The following SYNPO2L variants were observed in gnomAD, a reference collection of about 807,000 sequenced individuals.
The protein encoded by SYNPO2L is synaptopodin 2 like, also known as synaptopodin 2-like protein.
In SYNPO2L, 34 loss-of-function variants were observed where a neutral mutation model predicts 47.5. That is an observed-to-expected ratio of 0.72 (90% CI 0.54 to 0.95). SYNPO2L has a LOEUF of 0.95. Among genes scored for constraint, SYNPO2L ranks in the 40% least tolerant of loss-of-function variants. The pLI is 0.00. For synonymous variants in SYNPO2L, 536 were observed against 524.9 expected (o/e 1.02, Z -0.29); for missense variants, 1,246 against 1,282.0 (o/e 0.97, Z 0.43).
At chr10:73,650,763 T>C in intron 3 of SYNPO2L, 3 of 1,319,166 alleles carry the variant, frequency 2.3e-6, no homozygotes, top group Non-Finnish European at 2.9e-6. Flanking sequence ...AAAGGGGCAG[T>C]GAAACTCTCC....
chr10:73,653,568 G>A lies in SYNPO2L; in HGVS notation c.343C>T (p.Pro115Ser). 1 of 1,552,188 alleles carries A rather than the reference G, an allele frequency of 6.4e-7. No individual in the cohort carries two copies. Among genetic ancestry groups the A allele is most frequent in the East Asian group, 2.4e-5 (1 of 40,926 alleles). The change falls in exon 3 of 4, where the codon CCT becomes TCT. Residue 115 changes from proline (P) to serine (S), a missense_variant. This residue lies in a region of SYNPO2L where 148 missense variants were observed against 204.8 expected (regional missense o/e 0.72). Coordinates refer to ENST00000394810, the MANE Select transcript of SYNPO2L (RefSeq NM_001114133.3). Reference protein sequence around the residue: ...SPLSPLSPEPPGAPVPQPLQP... With the variant: ...SPLSPLSPEPSGAPVPQPLQP... Reference sequence around the variant, plus strand: ...AGAGGCTGAGGAACTGGAGCACCAGGGGGCTCAGGACTTAGTGGAGATAAG... The same window carrying A: ...AGAGGCTGAGGAACTGGAGCACCAGAGGGCTCAGGACTTAGTGGAGATAAG...
chr10:73,646,186 AC>A lies in SYNPO2L; in HGVS notation c.*531del. On this transcript the variant is annotated 3_prime_UTR_variant, in exon 4 of 4. Coordinates refer to ENST00000394810, the MANE Select transcript of SYNPO2L (RefSeq NM_001114133.3). ...ATGCCTTAGACGGAAGAGCACACACACACACACACACACACACACACACACA... is the reference window on the plus strand; with the variant it reads ...ATGCCTTAGACGGAAGAGCACACACAACACACACACACACACACACACACA... 5 of 865,396 alleles carry A rather than the reference AC, an allele frequency of 5.8e-6. No individual in the cohort carries two copies. Among genetic ancestry groups the A allele is most frequent in the Non-Finnish European group, 6.9e-6 (5 of 727,698 alleles). 53.6% of individuals were successfully genotyped at this position (865,396 alleles called of 1,614,324 possible). A position where few individuals can be genotyped will look rare whatever the true frequency, so the allele number is the denominator to read the frequency against.
At position 73,648,263 on chromosome 10, in the gene SYNPO2L, G is replaced by A. The variant is rs1478417101; in HGVS notation, c.1389C>T (p.Ile463=). The stretch of plus-strand genomic sequence containing the variant: ...TAAAGGGCCTGGCTGACCGGTTAAA[G>A]ATGCTTGGAGCTGGGGTCGGGGCTC... ...GGGAPTPAPS[I]FNRSARPFTP... The change falls in exon 4 of 4, where the codon ATC becomes ATT. Residue 463 remains isoleucine (I), a synonymous_variant. Transcript: ENST00000394810. 4 of 1,599,306 alleles carry A rather than the reference G, an allele frequency of 2.5e-6. No homozygotes were observed. In the East Asian group the frequency reaches 6.7e-5, roughly 27 times the overall value.
chr10:73,653,295 C>G lies in SYNPO2L; in HGVS notation c.616G>C (p.Asp206His), dbSNP rs779547397. Reference protein sequence around the residue: ...DSRVSSPSWEDGAALQPPPAE... With the variant: ...DSRVSSPSWEHGAALQPPPAE... ...GGGGGTGGCTGAAGGGCTGCCCCATCCTCCCAAGACGGGGAGCTCACACGG... is the reference window on the plus strand; with the variant it reads ...GGGGGTGGCTGAAGGGCTGCCCCATGCTCCCAAGACGGGGAGCTCACACGG... The change falls in exon 3 of 4, where the codon GAT becomes CAT. Residue 206 changes from aspartate to histidine, a missense_variant. By Grantham distance (81) the Asp-to-His change is moderately conservative (BLOSUM62 -1). Coordinates refer to ENST00000394810, the MANE Select transcript of SYNPO2L (RefSeq NM_001114133.3). The G allele has an allele frequency of 3.2e-6, 5 of 1,551,156 alleles. No individual in the cohort carries two copies. The African/African-American group carries it at 6.8e-5, about 21-fold the overall frequency.
At chr10:73,650,188 T>C (rs2081829173) in intron 3 of SYNPO2L, 1 of 985,376 alleles carries the variant, frequency 1.0e-6, no homozygotes, top group African/African-American at 1.7e-5. Flanking sequence ...AGATTCCATC[T>C]ACTTTCCACT....
Position 73,653,146 on chromosome 10 carries a change from C to A in SYNPO2L, c.765G>T (p.Lys255Asn), listed in dbSNP as rs756528421. ...DLTTTYTQKA[K>N]QAKLQRAESL... is the part of the protein sequence containing the mutation. ...AGGGGTTCAGGCACTCACTGGCTTG[C>A]TTGGCCTTCTGGGTGTAGGTGGTAG... is the stretch of plus-strand genomic sequence containing the variant. Residue 255 changes from lysine to asparagine, a missense_variant, in exon 3 of 4, where the codon AAG becomes AAT. Lys to Asn is a moderately conservative substitution (Grantham distance 94). Coordinates refer to ENST00000394810, the MANE Select transcript of SYNPO2L (RefSeq NM_001114133.3). The A allele has an allele frequency of 6.9e-7, 1 of 1,447,476 alleles. No individual in the cohort carries two copies. The highest frequency in any genetic ancestry group is 1.4e-5 in the African/African-American group (1 of 69,742). The allele number at this position is 1,447,476 out of a possible 1,614,324, so 89.7% of individuals were successfully genotyped here.
intron 1 of SYNPO2L, among the ~76,000 whole-genome samples, chr10:73,655,260 T>C (rs973663453): frequency 1.3e-5 from 2 of 152,104 alleles, no homozygotes; most frequent in Non-Finnish European, 2.9e-5. Context: ...AAAAGGATAA[T>C]GACTTCATCT....
In SYNPO2L at chr10:73,647,500, T is replaced by G. The variant is rs2081774006; in HGVS notation, c.2152A>C (p.Thr718Pro). Residue 718 changes from threonine (T) to proline (P), a missense_variant, in exon 4 of 4, where the codon ACT (threonine) becomes CCT (proline). Thr to Pro is a conservative substitution (Grantham distance 38). Transcript: ENST00000394810. ...GCCACTGGGGGTGGAGTCTTAGGAG[T>G]CATAGGGGGCGGGGTCTTGGGAGCC... ...PMAPKTPPPMTPKTPPPVAPK... is the reference protein window; with the variant it reads ...PMAPKTPPPMPPKTPPPVAPK... 1 of 1,579,202 alleles carries G rather than the reference T, an allele frequency of 6.3e-7. No individual in the cohort carries two copies. The highest frequency in any genetic ancestry group is 1.1e-5 in the South Asian group (1 of 87,314).
rs375270436 is a variant in SYNPO2L at position 73,651,020 on chromosome 10, G to A, written c.772+2119C>T. The stretch of plus-strand genomic sequence containing the variant: ...CAAAGGTCTCCATGCTGAGAAAGGC[G>A]GTGTTGGCTGGAGCAGGACCAGCTT... On this transcript the variant is annotated intron_variant, in intron 3 of 3. Transcript: ENST00000394810. 1.8e-4 allele frequency: 292 copies of A among 1,610,650 alleles called. No individual in the cohort carries two copies. In the African/African-American group the frequency reaches 2.6e-3, roughly 14 times the overall value.
intron 1 of SYNPO2L, among the ~76,000 whole-genome samples, chr10:73,654,702 CCGTG>C (rs2081865938): frequency 6.6e-6 from 1 of 151,850 alleles, no homozygotes; most frequent in Admixed American, 6.6e-5. Context: ...AATCAGCTGG[CCGTG>C]GTGGTGTGCG....
rs2081856961 is a variant in SYNPO2L at position 73,653,476 on chromosome 10, A to G, written c.435T>C (p.Ala145=). Residue 145 remains alanine, a synonymous_variant, in exon 3 of 4, where the codon GCT becomes GCC. Coordinates refer to ENST00000394810, the MANE Select transcript of SYNPO2L (RefSeq NM_001114133.3). ...GCTTCTCCTGGGTGGCAGGGCCATC[A>G]GCATCACTGTCAGTCTCTCCGTAGT... The part of the protein sequence containing the change: ...EAYYGETDSD[A]DGPATQEKPR... 6.4e-7 allele frequency: 1 copy of G among 1,551,662 alleles called. No homozygotes were observed. The highest frequency in any genetic ancestry group is 8.7e-7 in the Non-Finnish European group (1 of 1,146,914).
chr10:73,651,002 C>T (rs2081837366), intron 3 of SYNPO2L: 8 of 1,612,454 alleles, frequency 5.0e-6, no homozygotes, highest in Non-Finnish European at 6.8e-6. Context: ...GCTCAAAGGT[C>T]TCCATGCTGA....
chr10:73,653,080 C>A, intron 3 of SYNPO2L, 59 bp downstream of exon 3: 1 of 1,431,634 alleles, frequency 7.0e-7, no homozygotes, highest in Admixed American at 2.9e-5. Flanking sequence ...CTATAGAAGG[C>A]TGGATTTAAG....
In SYNPO2L at chr10:73,646,104, G is replaced by A. The variant is rs146617579; in HGVS notation, c.*614C>T. On this transcript the variant is annotated 3_prime_UTR_variant, in exon 4 of 4. Transcript: ENST00000394810. ...CTCCCAAAGTGCTGGGATTACCGGC[G>A]TGAGCCACCGTGCCCGGCCTCAGAT... 2,722 of 985,632 alleles carry A rather than the reference G, an allele frequency of 2.8e-3. 5 individuals carry two copies. Among genetic ancestry groups the A allele is most frequent in the Non-Finnish European group, 3.1e-3 (2,603 of 830,202 alleles). 61.1% of individuals were successfully genotyped at this position (985,632 alleles called of 1,614,324 possible). A position where few individuals can be genotyped will look rare whatever the true frequency, so the allele number is the denominator to read the frequency against.
Position 73,647,252 on chromosome 10 carries a change from T to G in SYNPO2L, c.2400A>C (p.Lys800Asn). ...SPTPSLPPSW[K>N]YSPNIRAPPP... ...GCGGGGCACGGATGTTGGGTGAATA[T>G]TTCCAGGAAGGGGGCAGAGACGGGG... Residue 800 changes from lysine to asparagine, a missense_variant, in exon 4 of 4, where the codon AAA (lysine) becomes AAC (asparagine). Around this residue, in one of 3 missense-constraint regions of SYNPO2L, gnomAD observed 1,037 missense variants for 1,021.5 expected, o/e 1.02. Transcript: ENST00000394810. 2 of 1,613,742 alleles carry G rather than the reference T, an allele frequency of 1.2e-6. No homozygotes were observed. Among genetic ancestry groups the G allele is most frequent in the Non-Finnish European group, 8.5e-7 (1 of 1,179,908 alleles).
rs1400517784 is a variant in SYNPO2L at position 73,648,294 on chromosome 10, C to T, written c.1358G>A (p.Gly453Asp). ...PVASPRPFQP[G>D]GGAPTPAPSI... ...TGGAGCTGGGGTCGGGGCTCCACCA[C>T]CTGGTTGGAAGGGTCTGGGGCTGGC... is the stretch of plus-strand genomic sequence containing the variant. Residue 453 changes from glycine (G) to aspartate (D), a missense_variant, in exon 4 of 4, where the codon GGT becomes GAT. By Grantham distance (94) the Gly-to-Asp change is moderately conservative (BLOSUM62 -1). Around this residue, in one of 3 missense-constraint regions of SYNPO2L, gnomAD observed 1,037 missense variants for 1,021.5 expected, o/e 1.02. Transcript: ENST00000394810. The T allele has an allele frequency of 6.2e-7, 1 of 1,603,226 alleles. No individual in the cohort carries two copies. Among genetic ancestry groups the T allele is most frequent in the Admixed American group, 1.7e-5 (1 of 59,882 alleles).
intron 3 of SYNPO2L, among the ~76,000 whole-genome samples, chr10:73,652,083 AAAAAAAAC>A (rs1327963797): frequency 5.9e-5 from 8 of 136,726 alleles, no homozygotes; most frequent in African/African-American, 1.9e-4. Context: ...AAAAAAAAAA[AAAAAAAAC>A]CAGAAAAAAA....
rs1405490697 is a variant in SYNPO2L, at chr10:73,645,310, G to A, written c.*1408C>T. ...TTTTTCCAATCCCCCTCTCACACACGGTTGGTTTCTTGTTACTCAACTTTA... is the reference window on the plus strand; with the variant it reads ...TTTTTCCAATCCCCCTCTCACACACAGTTGGTTTCTTGTTACTCAACTTTA... On this transcript the variant is annotated 3_prime_UTR_variant, in exon 4 of 4. Coordinates refer to ENST00000394810, the MANE Select transcript of SYNPO2L (RefSeq NM_001114133.3). 6.5e-6 allele frequency: 7 copies of A among 1,079,274 alleles called. No individual in the cohort carries two copies. Among genetic ancestry groups the A allele is most frequent in the African/African-American group, 3.5e-5 (2 of 57,632 alleles). 66.9% of individuals were successfully genotyped at this position (1,079,274 alleles called of 1,614,324 possible).
Position 73,647,847 on chromosome 10 carries a change from C to G in SYNPO2L, c.1805G>C (p.Gly602Ala). ...ARPEAPAPGPGAPEPPSAREQ... is the reference protein window; with the variant it reads ...ARPEAPAPGPAAPEPPSAREQ... ...GCGAGCGCTGGGGGGCTCAGGAGCC[C>G]CTGGGCCTGGGGCAGGCGCCTCTGG... is the stretch of plus-strand genomic sequence containing the variant. The change falls in exon 4 of 4, where the codon GGG becomes GCG. Residue 602 changes from glycine (G) to alanine (A), a missense_variant. Gly to Ala is a moderately conservative substitution (Grantham distance 60). Around this residue, in one of 3 missense-constraint regions of SYNPO2L, gnomAD observed 1,037 missense variants for 1,021.5 expected, o/e 1.02. Transcript: ENST00000394810. 6.4e-7 allele frequency: 1 copy of G among 1,554,812 alleles called. No homozygotes were observed. Among genetic ancestry groups the G allele is most frequent in the Non-Finnish European group, 8.7e-7 (1 of 1,153,574 alleles).
Sources: gnomAD v4.1 joint callset for allele counts (sites outside exome capture counted in the v4.1 genomes callset) on GRCh38, gnomAD v4.1.1 for gene constraint, gnomAD v4.1.1 regional missense constraint, MANE v1.5 for transcripts, NCBI Gene and HGNC (gene_info 2026-07-23, HGNC 2026-07-21) for gene names.